PDE1C: variants seen among roughly 807,000 people sequenced by gnomAD.
PDE1C encodes the protein phosphodiesterase 1C, also known as dual specificity calcium/calmodulin-dependent 3',5'-cyclic nucleotide phosphodiesterase 1C.
In PDE1C, 62 loss-of-function variants were observed where a neutral mutation model predicts 93.1. That is an observed-to-expected ratio of 0.67 (90% CI 0.54 to 0.82). The LOEUF (loss-of-function observed/expected upper bound fraction) is 0.82. Among genes scored for constraint, PDE1C ranks in the 40% least tolerant of loss-of-function variants. The pLI is 0.00. For synonymous variants in PDE1C, 325 were observed against 310.1 expected (o/e 1.05, Z -0.50); for missense variants, 742 against 884.6 (o/e 0.84, Z 2.04).
chr7:32,205,611 C>T (rs1161912665), intron 2 of PDE1C, among the ~76,000 whole-genome samples: 1 of 152,172 alleles, frequency 6.6e-6, no homozygotes, highest in African/African-American at 2.4e-5. Flanking sequence ...AACCCCCCAG[C>T]CAACCCGTTT....
chr7:31,703,554 T>C, the PDE1C span, among the ~76,000 whole-genome samples: 1 of 152,254 alleles, frequency 6.6e-6, no homozygotes, highest in Non-Finnish European at 1.5e-5. Flanking sequence ...TGTGTGATTC[T>C]AGCTTTCATT....
At chr7:32,060,184 T>A (rs1376662626) in intron 1 of PDE1C, among the ~76,000 whole-genome samples, 1 of 152,212 alleles carries the variant, frequency 6.6e-6, no homozygotes, top group Non-Finnish European at 1.5e-5. Flanking sequence ...TCTACTTTGT[T>A]TTTCCCCTTG....
At chr7:31,926,905 T>G (rs1803466116) in intron 2 of PDE1C, among the ~76,000 whole-genome samples, 1 of 152,066 alleles carries the variant, frequency 6.6e-6, no homozygotes, top group African/African-American at 2.4e-5. Flanking sequence ...GGAGTTTTTT[T>G]GTTTTGTTTT....
At chr7:32,065,049 G>C (rs1339086428) in intron 1 of PDE1C, among the ~76,000 whole-genome samples, 2 of 66,632 alleles carry the variant, frequency 3.0e-5, no homozygotes, top group African/African-American at 5.7e-5. Flanking sequence ...ACGGAACGGC[G>C]GTGGGGGGGG....
chr7:32,143,079 A>G (rs1800629224), intron 3 of PDE1C, among the ~76,000 whole-genome samples: 1 of 151,846 alleles, frequency 6.6e-6, no homozygotes, highest in African/African-American at 2.4e-5. Context: ...GAGAACTACA[A>G]AGACAACCAC....
At chr7:32,206,157 G>C (rs73689076) in intron 2 of PDE1C, among the ~76,000 whole-genome samples, 13 of 152,102 alleles carry the variant, frequency 8.5e-5, no homozygotes, top group African/African-American at 3.1e-4. Flanking sequence ...GAGCTTACAT[G>C]GTGGCTGCTG....
intron 7 of PDE1C, among the ~76,000 whole-genome samples, chr7:31,864,377 C>T (rs1795030311): frequency 6.6e-6 from 1 of 152,096 alleles, no homozygotes; most frequent in African/African-American, 2.4e-5. Context: ...ATTTTTAAAG[C>T]AAAACCAAAA....
intron 16 of PDE1C, among the ~76,000 whole-genome samples, chr7:31,807,131 G>T (rs1342805917): frequency 1.3e-5 from 2 of 151,848 alleles, no homozygotes; most frequent in African/African-American, 4.8e-5. Context: ...AAGCAGTAAT[G>T]ATGTCATATT....
intron 1 of PDE1C, among the ~76,000 whole-genome samples, chr7:32,334,851 G>C (rs1226348755): frequency 6.6e-6 from 1 of 152,076 alleles, no homozygotes; most frequent in Non-Finnish European, 1.5e-5. Context: ...TGAATGATAG[G>C]ATTGTGGGAG....
At chr7:31,667,988 G>A in the PDE1C span, among the ~76,000 whole-genome samples, 1 of 152,074 alleles carries the variant, frequency 6.6e-6, no homozygotes, top group Admixed American at 6.6e-5. Context: ...TTCTTGTGAG[G>A]CTCTGATTAG....
intron 2 of PDE1C, among the ~76,000 whole-genome samples, chr7:31,985,278 A>G (rs1783229790): frequency 2.6e-5 from 4 of 152,118 alleles, no homozygotes; most frequent in Admixed American, 2.6e-4. Flanking sequence ...AGGGGTCTAC[A>G]TTTTTTTAAA....
intron 16 of PDE1C, among the ~76,000 whole-genome samples, chr7:31,801,688 C>T (rs192408119): frequency 2.6e-5 from 4 of 151,538 alleles, no homozygotes; most frequent in Non-Finnish European, 5.9e-5. Context: ...TGATTATATT[C>T]TCTTGATAAA....
chr7:32,073,657 CTT>C (rs1479892415), upstream of PDE1C, among the ~76,000 whole-genome samples: 1 of 152,184 alleles, frequency 6.6e-6, no homozygotes, highest in Non-Finnish European at 1.5e-5. Context: ...TAGAAAACAA[CTT>C]TGTCTTCTCT....
intron 1 of PDE1C, among the ~76,000 whole-genome samples, chr7:32,063,207 C>T (rs1424303157): frequency 2.0e-5 from 3 of 152,188 alleles, no homozygotes; most frequent in African/African-American, 7.2e-5. Context: ...TGTAATGTGC[C>T]TTATATTTGT....
chr7:31,809,107 ACC>A lies in PDE1C; in HGVS notation c.1814-1_1814del. The A allele has an allele frequency of 6.5e-7, 1 of 1,544,516 alleles. No individual in the cohort carries two copies. The highest frequency in any genetic ancestry group is 8.9e-7 in the Non-Finnish European group (1 of 1,118,202). ...TCTTATTTTTACCATCTTTGAAGTC[ACC>A]TGAAAGTAATAAACATGACAAACAG... On this transcript the variant is annotated splice_acceptor_variant and coding_sequence_variant, in exon 16 of 18. Transcript: ENST00000396191. LOFTEE classifies it high-confidence loss of function.
rs551646015 is a variant in PDE1C, at chr7:31,842,572, G to T, written c.981-4601C>A. 3.3e-5 allele frequency among the ~76,000 whole-genome samples: 5 copies of T among 152,166 alleles called. No homozygotes were observed. In the South Asian group the frequency reaches 8.3e-4, roughly 25 times the overall value. ...TCATCAAAGTTGTCAAATTTATTGA[G>T]ATAAAGTTGTTTGTAACATTTTCTT... is the stretch of plus-strand genomic sequence containing the variant. On this transcript the variant is annotated intron_variant, in intron 9 of 17. Transcript: ENST00000396191.
intron 1 of PDE1C, among the ~76,000 whole-genome samples, chr7:32,237,889 GC>G (rs1283487923): frequency 2.7e-5 from 4 of 150,326 alleles, no homozygotes; most frequent in Admixed American, 1.3e-4. Flanking sequence ...TCCTGCCTCA[GC>G]CTCCTGAGTA....
chr7:31,771,923 G>A (rs1795511180), intron 17 of PDE1C, among the ~76,000 whole-genome samples: 1 of 151,872 alleles, frequency 6.6e-6, no homozygotes, highest in Non-Finnish European at 1.5e-5. Context: ...GTGGGTGCCT[G>A]TAGTCCCAGC....
At chr7:32,296,517 T>A (rs1462692468) in intron 1 of PDE1C, among the ~76,000 whole-genome samples, 1 of 152,198 alleles carries the variant, frequency 6.6e-6, no homozygotes, top group East Asian at 1.9e-4. Flanking sequence ...AATGAATAAA[T>A]TCTCAGCAAT....
Sources: gnomAD v4.1 joint callset for allele counts (sites outside exome capture counted in the v4.1 genomes callset) on GRCh38, gnomAD v4.1.1 for gene constraint, MANE v1.5 for transcripts, NCBI Gene and HGNC (gene_info 2026-07-23, HGNC 2026-07-21) for gene names.